GYPC: variants seen among roughly 807,000 people sequenced by gnomAD.
GYPC encodes glycophorin C (Gerbich blood group), also known as glycophorin-C.
In GYPC, 14 loss-of-function variants were observed where a neutral mutation model predicts 12.6. The observed-to-expected ratio is 1.11, with a 90% CI of 0.74 to 1.74. The LOEUF (loss-of-function observed/expected upper bound fraction) is 1.74, where lower values mean the gene tolerates loss of function less well. GYPC is among the 40% of genes most tolerant of loss of function. GYPC has a pLI of 0.00. For missense variants in GYPC, 225 were observed against 172.1 expected (o/e 1.31, Z -1.72); for synonymous variants, 78 against 62.1 (o/e 1.26, Z -1.20).
intron 1 of GYPC, among the ~76,000 whole-genome samples, chr2:126,673,415 A>G (rs910459656): frequency 6.6e-6 from 1 of 152,094 alleles, no homozygotes; most frequent in African/African-American, 2.4e-5. Flanking sequence ...GAAGGTGATC[A>G]CGTTCACTGA....
chr2:126,695,919 G>T, intron 3 of GYPC, 27 bp from the exon 4 acceptor site: 2 of 1,604,272 alleles, frequency 1.2e-6, no homozygotes, highest in South Asian at 1.1e-5. Flanking sequence ...GCCTCAGACT[G>T]ACCCTTGCAC....
At chr2:126,671,601 A>G (rs1682858364) in intron 1 of GYPC, among the ~76,000 whole-genome samples, 1 of 152,208 alleles carries the variant, frequency 6.6e-6, no homozygotes, top group Non-Finnish European at 1.5e-5. Context: ...CCAGAGCTCA[A>G]CCGTGGTCTC....
In GYPC at chr2:126,656,202, C is replaced by G; in HGVS notation, c.-62C>G. On this transcript the variant is annotated 5_prime_UTR_variant, in exon 1 of 4. Transcript: ENST00000259254. ...AGGAGCCCGGGAGCGCGACCCTCCC[C>G]CGGCCCGGCCTGGCCCGGCCTGGCC... is the stretch of plus-strand genomic sequence containing the variant. 1 of 1,548,004 alleles carries G rather than the reference C, an allele frequency of 6.5e-7. No individual in the cohort carries two copies.
chr2:126,671,092 T>TCAGGGAG (rs1682841600), intron 1 of GYPC, among the ~76,000 whole-genome samples: 1 of 151,966 alleles, frequency 6.6e-6, no homozygotes, highest in Non-Finnish European at 1.5e-5. Context: ...CACCCTGAGG[T>TCAGGGAG]CAGGGAGCAG....
intron 1 of GYPC, among the ~76,000 whole-genome samples, chr2:126,659,310 G>A (rs971293900): frequency 5.9e-5 from 9 of 152,192 alleles, no homozygotes; most frequent in Non-Finnish European, 1.2e-4. Context: ...CCCCCGTGAG[G>A]AAACGTGCCC....
In GYPC at chr2:126,688,710, C is replaced by G. The variant is rs1683362002; in HGVS notation, c.50-1545C>G. Among the ~76,000 whole-genome samples the G allele has an allele frequency of 2.0e-5, 3 of 152,084 alleles. No homozygotes were observed. The South Asian group carries it at 6.2e-4, about 32-fold the overall frequency. On this transcript the variant is annotated intron_variant, in intron 1 of 3. Coordinates refer to ENST00000259254, the MANE Select transcript of GYPC (RefSeq NM_002101.5). ...TGGCCCCAGACACCACTAGCTTGGC[C>G]CACCTGCTTCCTGCTGTGGACCCCT...
intron 1 of GYPC, among the ~76,000 whole-genome samples, chr2:126,687,268 A>G (rs1247770154): frequency 6.6e-6 from 1 of 152,190 alleles, no homozygotes; most frequent in Non-Finnish European, 1.5e-5. Context: ...TCCTGATGTC[A>G]CCGCTTCTGG....
Position 126,695,925 on chromosome 2 carries a change from TG to T in GYPC, c.191-20del, listed in dbSNP as rs1683629286. On this transcript the variant is annotated intron_variant, in intron 3 of 3. Transcript: ENST00000259254. The stretch of plus-strand genomic sequence containing the variant: ...AGAGCCCCTGCCTCAGACTGACCCT[TG>T]CACCTCTTCCCACCTGCAGGTGTGA... The T allele has an allele frequency of 1.9e-6, 3 of 1,609,794 alleles. No individual in the cohort carries two copies. The highest frequency in any genetic ancestry group is 1.3e-5 in the African/African-American group (1 of 74,934).
At chr2:126,693,199 G>C (rs1683528674) in intron 2 of GYPC, among the ~76,000 whole-genome samples, 1 of 152,258 alleles carries the variant, frequency 6.6e-6, no homozygotes, top group African/African-American at 2.4e-5. Flanking sequence ...GGGAGTTCTA[G>C]CTGTCGTGAG....
chr2:126,686,029 G>A, intron 1 of GYPC: 1 of 985,340 alleles, frequency 1.0e-6, no homozygotes, highest in Non-Finnish European at 1.2e-6. Context: ...ACAGGAAGTG[G>A]GGAACCCCTT....
At chr2:126,668,317 AC>A (rs1558880926) in intron 1 of GYPC, among the ~76,000 whole-genome samples, 2 of 152,072 alleles carry the variant, frequency 1.3e-5, no homozygotes, top group Non-Finnish European at 2.9e-5. Flanking sequence ...TGGTGGCCAC[AC>A]CCCCAGGGCC....
intron 1 of GYPC, among the ~76,000 whole-genome samples, chr2:126,668,045 A>G (rs775969583): frequency 6.6e-6 from 1 of 152,306 alleles, no homozygotes; most frequent in South Asian, 2.1e-4. Flanking sequence ...TGGCTCAGAC[A>G]CAGGTAACAG....
chr2:126,663,950 G>GTCTCTC lies in GYPC; in HGVS notation c.49+7684_49+7689dup, dbSNP rs61649506. Among the ~76,000 whole-genome samples, 762 of 129,848 alleles carry GTCTCTC rather than the reference G, an allele frequency of 5.9e-3. 17 individuals carry two copies. Among genetic ancestry groups the GTCTCTC allele is most frequent in the African/African-American group, 0.019 (596 of 32,080 alleles). The allele number at this position is 129,848 out of a possible 152,430, so 85.2% of individuals were successfully genotyped here. The stretch of plus-strand genomic sequence containing the variant: ...GGAGCTGGGTCTCTCTAAGGTTCTG[G>GTCTCTC]TCTCTCTCTCTCTCTCTCTCTCTCT... On this transcript the variant is annotated intron_variant, in intron 1 of 3. Coordinates refer to ENST00000259254, the MANE Select transcript of GYPC (RefSeq NM_002101.5).
chr2:126,664,719 A>C (rs2104773196), intron 1 of GYPC, among the ~76,000 whole-genome samples: 1 of 152,346 alleles, frequency 6.6e-6, no homozygotes, highest in African/African-American at 2.4e-5. Flanking sequence ...TTGGAGGTTG[A>C]GGGGCTGAAG....
chr2:126,685,669 C>T (rs913367517), intron 1 of GYPC, among the ~76,000 whole-genome samples: 49 of 152,210 alleles, frequency 3.2e-4, no homozygotes, highest in African/African-American at 1.1e-3. Flanking sequence ...AGGCATGAGC[C>T]ACTGCACCCG....
chr2:126,675,664 C>T (rs906931334), intron 1 of GYPC: 14 of 984,206 alleles, frequency 1.4e-5, no homozygotes, highest in East Asian at 1.1e-4. Flanking sequence ...CTTCACCTGT[C>T]GTGGCTGTTC....
intron 1 of GYPC, among the ~76,000 whole-genome samples, chr2:126,682,015 C>T (rs181450470): frequency 5.1e-4 from 77 of 152,146 alleles, no homozygotes; most frequent in Admixed American, 3.4e-3. Flanking sequence ...TCACCCTCCT[C>T]AGGGAGGTGT....
At chr2:126,691,470 CT>C (rs913051097) in intron 2 of GYPC, among the ~76,000 whole-genome samples, 36 of 152,142 alleles carry the variant, frequency 2.4e-4, no homozygotes, top group Non-Finnish European at 8.8e-5. Context: ...AGTCCTGCTC[CT>C]CCTGCAGACT....
chr2:126,665,715 G>T (rs897710733), intron 1 of GYPC, among the ~76,000 whole-genome samples: 1 of 152,244 alleles, frequency 6.6e-6, no homozygotes, highest in Non-Finnish European at 1.5e-5. Flanking sequence ...GGCTGTGCAC[G>T]CCCTGGCAAG....
Sources: allele counts gnomAD v4.1 joint callset (sites outside exome capture counted in the v4.1 genomes callset), GRCh38; gene constraint gnomAD v4.1.1; transcripts MANE v1.5; gene names NCBI Gene and HGNC (gene_info 2026-07-23, HGNC 2026-07-21).